Variants in RAX2 observed in about 807,000 individuals in gnomAD.
RAX2 encodes retina and anterior neural fold homeobox 2, also known as retina and anterior neural fold homeobox protein 2.
Under a neutral mutation model 5.8 loss-of-function variants are expected in RAX2, and 4 were observed. The ratio of observed to expected loss-of-function variants is 0.69; its 90% CI spans 0.34 to 1.58. The LOEUF is 1.58. RAX2 is among the 40% of genes most tolerant of loss of function. The pLI, the probability that RAX2 is intolerant of heterozygous loss-of-function variation, is 0.05. For missense variants in RAX2, 275 were observed against 271.4 expected (o/e 1.01, Z -0.09); for synonymous variants, 133 against 128.8 (o/e 1.03, Z -0.22).
Position 3,771,060 on chromosome 19 carries a change from C to T in RAX2, c.217-101G>A, listed in dbSNP as rs982409085. 75 of 867,496 alleles carry T rather than the reference C, an allele frequency of 8.6e-5. No individual in the cohort carries two copies. The highest frequency in any genetic ancestry group is 1.3e-4 in the Non-Finnish European group (71 of 548,380). The allele number at this position is 867,496 out of a possible 1,614,324, so 53.7% of individuals were successfully genotyped here. A position where few individuals can be genotyped will look rare whatever the true frequency, so the allele number is the denominator to read the frequency against. Reference sequence around the variant, plus strand: ...ACCCCAGCCCTGGGGGTTCTGACTCCCGTCTGACCCGACTCCTACCTGCTG... The same window carrying T: ...ACCCCAGCCCTGGGGGTTCTGACTCTCGTCTGACCCGACTCCTACCTGCTG... On this transcript the variant is annotated intron_variant, in intron 2 of 2. Coordinates refer to ENST00000555633, the MANE Select transcript of RAX2 (RefSeq NM_001319074.4). The surrounding 1 kb of genome is among the most constrained non-coding windows in gnomAD (Gnocchi z 4.2).
chr19:3,770,741 G>A lies in RAX2; in HGVS notation c.435C>T (p.Ser145=). 2.0e-6 allele frequency: 3 copies of A among 1,533,676 alleles called. No individual in the cohort carries two copies. The highest frequency in any genetic ancestry group is 1.7e-6 in the Non-Finnish European group (2 of 1,145,682). Reference sequence around the variant, plus strand: ...TGGGAGCAAAGGCATGAGGCCCGAAGGACGCTTGCAGCCCCGGGCCCGGGC... The same window carrying A: ...TGGGAGCAAAGGCATGAGGCCCGAAAGACGCTTGCAGCCCCGGGCCCGGGC... ...LLGPGPGLQA[S]FGPHAFAPTF... Residue 145 remains serine (S), a synonymous_variant, in exon 3 of 3, where the codon TCC becomes TCT. Coordinates refer to ENST00000555633, the MANE Select transcript of RAX2 (RefSeq NM_001319074.4).
chr19:3,771,896 A>C lies in RAX2; in HGVS notation c.-154T>G. The C allele has an allele frequency of 7.1e-7, 1 of 1,412,772 alleles. No individual in the cohort carries two copies. Among genetic ancestry groups the C allele is most frequent in the Non-Finnish European group, 9.3e-7 (1 of 1,076,604 alleles). The allele number at this position is 1,412,772 out of a possible 1,614,324, so 87.5% of individuals were successfully genotyped here. A position where few individuals can be genotyped will look rare whatever the true frequency, so the allele number is the denominator to read the frequency against. ...GGGCCGGCATGCGCTCTGCATCCCC[A>C]GGCTGTCCTCCTCGGGCTTGGGGGG... On this transcript the variant is annotated 5_prime_UTR_variant, in exon 2 of 3. Transcript: ENST00000555633. This position sits in a 1 kb window ranked among gnomAD's most constrained non-coding sequence, Gnocchi z 4.2.
chr19:3,771,731 G>T lies in RAX2; in HGVS notation c.12C>A (p.Ser4Arg). 1 of 1,602,176 alleles carries T rather than the reference G, an allele frequency of 6.2e-7. No individual in the cohort carries two copies. The change falls in exon 2 of 3, where the codon AGC becomes AGA. Residue 4 changes from serine (S) to arginine (R), a missense_variant. Physicochemically the swap from Ser to Arg is moderately radical, Grantham distance 110 (BLOSUM62 -1). Transcript: ENST00000555633. The surrounding 1 kb of genome is among the most constrained non-coding windows in gnomAD (Gnocchi z 4.2). Reference sequence around the variant, plus strand: ...CCTCGGTTGCCGGCCCCTCGCCCGGGCTCAGGAACATGGCTCCCACCTGGT... The same window carrying T: ...CCTCGGTTGCCGGCCCCTCGCCCGGTCTCAGGAACATGGCTCCCACCTGGT... MFL[S>R]PGEGPATEGG...
chr19:3,770,647 G>A lies in RAX2; in HGVS notation c.529C>T (p.Leu177=). The change falls in exon 3 of 3, where the codon CTG becomes TTG. Residue 177 remains leucine, a synonymous_variant. Coordinates refer to ENST00000555633, the MANE Select transcript of RAX2 (RefSeq NM_001319074.4). ...CAGGCTGGCGGCCAGGCCCTGTCCA[G>A]AGCCTGTGCATGTTCCTTGGCCAGC... The part of the protein sequence containing the change: ...RLLAKEHAQA[L]DRAWPPA 6.5e-7 allele frequency: 1 copy of A among 1,534,750 alleles called. No homozygotes were observed. The highest frequency in any genetic ancestry group is 1.2e-5 in the South Asian group (1 of 83,992).
Position 3,770,656 on chromosome 19 carries a change from C to T in RAX2, c.520G>A (p.Ala174Thr), listed in dbSNP as rs1239523974. The change falls in exon 3 of 3, where the codon GCA (alanine) becomes ACA (threonine). Residue 174 changes from alanine to threonine, a missense_variant. By Grantham distance (58) the Ala-to-Thr change is moderately conservative. Coordinates refer to ENST00000555633, the MANE Select transcript of RAX2 (RefSeq NM_001319074.4). ...ASLRLLAKEH[A>T]QALDRAWPPA The stretch of plus-strand genomic sequence containing the variant: ...GGCCAGGCCCTGTCCAGAGCCTGTG[C>T]ATGTTCCTTGGCCAGCAGCCGCAGG... 6.5e-7 allele frequency: 1 copy of T among 1,535,148 alleles called. No homozygotes were observed. Among genetic ancestry groups the T allele is most frequent in the South Asian group, 1.2e-5 (1 of 84,002 alleles).
chr19:3,771,936 C>T lies in RAX2; in HGVS notation c.-194G>A. On this transcript the variant is annotated 5_prime_UTR_variant, in exon 2 of 3. Coordinates refer to ENST00000555633, the MANE Select transcript of RAX2 (RefSeq NM_001319074.4). The surrounding 1 kb of genome is among the most constrained non-coding windows in gnomAD (Gnocchi z 4.2). ...GGCTTGGGGGGGTCTCCTGCTGTGC[C>T]TCTGTCTGCTCTTCCTTCTCTCTGT... 2.1e-6 allele frequency: 2 copies of T among 967,282 alleles called. No homozygotes were observed. The highest frequency in any genetic ancestry group is 3.0e-6 in the Non-Finnish European group (2 of 672,038). 59.9% of individuals were successfully genotyped at this position (967,282 alleles called of 1,614,324 possible). A position where few individuals can be genotyped will look rare whatever the true frequency, so the allele number is the denominator to read the frequency against.
At position 3,770,468 on chromosome 19, in the gene RAX2, C is replaced by T; in HGVS notation, c.*153G>A. On this transcript the variant is annotated 3_prime_UTR_variant, in exon 3 of 3. Transcript: ENST00000555633. ...GGATGGGGGCAGGGAACCCAGCAGC[C>T]TGTCTCTCTGGTCCCGCTCCCCAGT... The T allele has an allele frequency of 1.6e-6, 1 of 638,520 alleles. No individual in the cohort carries two copies. The highest frequency in any genetic ancestry group is 2.6e-6 in the Non-Finnish European group (1 of 385,464). The allele number at this position is 638,520 out of a possible 1,614,324, so 39.6% of individuals were successfully genotyped here.
Position 3,771,566 on chromosome 19 carries a change from C to G in RAX2, c.177G>C (p.Glu59Asp), listed in dbSNP as rs569526421. ...SHYPDVYSRE[E>D]LAAKVHLPEV... ...CAGGTAGGTGCACCTTGGCTGCCAG[C>G]TCCTCACGGCTGTACACATCCGGGT... Residue 59 changes from glutamate to aspartate, a missense_variant, in exon 2 of 3, where the codon GAG (glutamate) becomes GAC (aspartate). By Grantham distance (45) the Glu-to-Asp change is conservative (BLOSUM62 2). Coordinates refer to ENST00000555633, the MANE Select transcript of RAX2 (RefSeq NM_001319074.4). The surrounding 1 kb of genome is among the most constrained non-coding windows in gnomAD (Gnocchi z 4.2). The G allele has an allele frequency of 6.2e-7, 1 of 1,609,906 alleles. No individual in the cohort carries two copies. Among genetic ancestry groups the G allele is most frequent in the African/African-American group, 1.3e-5 (1 of 75,032 alleles).
chr19:3,771,720 C>T lies in RAX2; in HGVS notation c.23G>A (p.Gly8Glu). MFLSPGE[G>E]PATEGGGLGP... ...CAGACCCCCACCCTCGGTTGCCGGC[C>T]CCTCGCCCGGGCTCAGGAACATGGC... Residue 8 changes from glycine (G) to glutamate (E), a missense_variant, in exon 2 of 3, where the codon GGG becomes GAG. Gly to Glu is a moderately conservative substitution (Grantham distance 98). Coordinates refer to ENST00000555633, the MANE Select transcript of RAX2 (RefSeq NM_001319074.4). The surrounding 1 kb of genome is among the most constrained non-coding windows in gnomAD (Gnocchi z 4.2). 1 of 1,606,728 alleles carries T rather than the reference C, an allele frequency of 6.2e-7. No individual in the cohort carries two copies. The highest frequency in any genetic ancestry group is 1.1e-5 in the South Asian group (1 of 90,576).
In RAX2 at chr19:3,771,985, C is replaced by G; in HGVS notation, c.-243G>C. On this transcript the variant is annotated 5_prime_UTR_variant, in exon 2 of 3. Coordinates refer to ENST00000555633, the MANE Select transcript of RAX2 (RefSeq NM_001319074.4). The surrounding 1 kb of genome is among the most constrained non-coding windows in gnomAD (Gnocchi z 4.2). ...GTGTGTGTCACCGTCCCTGTTTTCT[C>G]TTCCCCTCTCTGTGACTGTCACGGC... 1 of 663,248 alleles carries G rather than the reference C, an allele frequency of 1.5e-6. No homozygotes were observed. The highest frequency in any genetic ancestry group is 2.5e-6 in the Non-Finnish European group (1 of 396,540). 41.1% of individuals were successfully genotyped at this position (663,248 alleles called of 1,614,324 possible). A position where few individuals can be genotyped will look rare whatever the true frequency, so the allele number is the denominator to read the frequency against.
At position 3,771,147 on chromosome 19, in the gene RAX2, C is replaced by T. The variant is rs1387308330; in HGVS notation, c.217-188G>A. Among the ~76,000 whole-genome samples the T allele has an allele frequency of 7.7e-6, 1 of 129,190 alleles. No homozygotes were observed. The highest frequency in any genetic ancestry group is 1.7e-5 in the Non-Finnish European group (1 of 58,888). The allele number at this position is 129,190 out of a possible 152,430, so 84.8% of individuals were successfully genotyped here. ...AAGCGTTCCCTAAGCCCAGGCTCCC[C>T]TCCAACTCCTCACTCCCCTCCTTGG... On this transcript the variant is annotated intron_variant, in intron 2 of 2. Coordinates refer to ENST00000555633, the MANE Select transcript of RAX2 (RefSeq NM_001319074.4). This position sits in a 1 kb window ranked among gnomAD's most constrained non-coding sequence, Gnocchi z 4.2.
rs559347055 is a variant in RAX2 at position 3,770,295 on chromosome 19, C to T, written c.*326G>A. The T allele has an allele frequency of 1.5e-4, 61 of 410,418 alleles. No individual in the cohort carries two copies. Among genetic ancestry groups the T allele is most frequent in the Admixed American group, 1.1e-3 (25 of 23,682 alleles). The allele number at this position is 410,418 out of a possible 1,614,324, so 25.4% of individuals were successfully genotyped here. On this transcript the variant is annotated 3_prime_UTR_variant, in exon 3 of 3. Transcript: ENST00000555633. The stretch of plus-strand genomic sequence containing the variant: ...CTCGCAGCCCTCGAACCTCGGAGGC[C>T]CCCACGCCCAATTAACAGACAGGAG...
In RAX2 at chr19:3,772,167, C is replaced by A; in HGVS notation, c.-273G>T. 2.2e-6 allele frequency: 1 copy of A among 458,900 alleles called. No homozygotes were observed. The highest frequency in any genetic ancestry group is 1.6e-5 in the South Asian group (1 of 64,016). 28.4% of individuals were successfully genotyped at this position (458,900 alleles called of 1,614,324 possible). A position where few individuals can be genotyped will look rare whatever the true frequency, so the allele number is the denominator to read the frequency against. On this transcript the variant is annotated 5_prime_UTR_variant, in exon 1 of 3. Transcript: ENST00000555633. ...CAGTGCCCACCCCGCACTCACCGCC[C>A]ACGGCAGCCCCTCCGTCGATTTCCA...
Position 3,771,411 on chromosome 19 carries a change from C to G in RAX2, c.216+116G>C. 1.2e-6 allele frequency: 1 copy of G among 843,440 alleles called. No individual in the cohort carries two copies. Among genetic ancestry groups the G allele is most frequent in the Non-Finnish European group, 1.9e-6 (1 of 519,208 alleles). The allele number at this position is 843,440 out of a possible 1,614,324, so 52.2% of individuals were successfully genotyped here. ...TGTCAAAACCTCAGCTCCCACACCC[C>G]CTCCTCCAGGAAGCCTTCCTAGCTT... On this transcript the variant is annotated intron_variant, in intron 2 of 2. Transcript: ENST00000555633. The surrounding 1 kb of genome is among the most constrained non-coding windows in gnomAD (Gnocchi z 4.2).
Position 3,769,235 on chromosome 19 carries a change from G to A in RAX2, c.*1386C>T, listed in dbSNP as rs2037223907. ...TCTTGCCTCAGCTTCTTGGGTAGCTGGGATGACAGGTGTGCACCAGTACAC... is the reference window on the plus strand; with the variant it reads ...TCTTGCCTCAGCTTCTTGGGTAGCTAGGATGACAGGTGTGCACCAGTACAC... On this transcript the variant is annotated 3_prime_UTR_variant, in exon 3 of 3. Transcript: ENST00000555633. The A allele has an allele frequency of 6.6e-6, 1 of 152,194 alleles. No individual in the cohort carries two copies. Among genetic ancestry groups the A allele is most frequent in the African/African-American group, 2.4e-5 (1 of 41,400 alleles). The allele number at this position is 152,194 out of a possible 1,614,324, so 9.4% of individuals were successfully genotyped here. A position where few individuals can be genotyped will look rare whatever the true frequency, so the allele number is the denominator to read the frequency against.
rs1253237453 is a variant in RAX2 at position 3,770,796 on chromosome 19, G to C, written c.380C>G (p.Pro127Arg). 4 of 1,515,866 alleles carry C rather than the reference G, an allele frequency of 2.6e-6. No homozygotes were observed. The highest frequency in any genetic ancestry group is 3.5e-6 in the Non-Finnish European group (4 of 1,138,802). The allele number at this position is 1,515,866 out of a possible 1,614,324, so 93.9% of individuals were successfully genotyped here. The change falls in exon 3 of 3, where the codon CCG (proline) becomes CGG (arginine). Residue 127 changes from proline (P) to arginine (R), a missense_variant. Coordinates refer to ENST00000555633, the MANE Select transcript of RAX2 (RefSeq NM_001319074.4). The stretch of plus-strand genomic sequence containing the variant: ...GAGGCGGGGGAGGCCTGGCACGGCC[G>C]GCGGTCCGGGGCCCAACCAGGGCTC... ...PLEPWLGPGP[P>R]AVPGLPRLLG... is the part of the protein sequence containing the mutation.
In RAX2 at chr19:3,769,190, C is replaced by T. The variant is rs1373931425; in HGVS notation, c.*1431G>A. On this transcript the variant is annotated 3_prime_UTR_variant, in exon 3 of 3. Coordinates refer to ENST00000555633, the MANE Select transcript of RAX2 (RefSeq NM_001319074.4). ...GATCACAGCTCCCTGCAGCCTCGAC[C>T]TTCTGGGCTCAAGTGATCCTCTTGC... 6.6e-6 allele frequency: 1 copy of T among 152,304 alleles called. No individual in the cohort carries two copies. The highest frequency in any genetic ancestry group is 1.5e-5 in the Non-Finnish European group (1 of 68,114). The allele number at this position is 152,304 out of a possible 1,614,324, so 9.4% of individuals were successfully genotyped here.
In RAX2 at chr19:3,770,803, C is replaced by G; in HGVS notation, c.373G>C (p.Gly125Arg). 2 of 1,519,292 alleles carry G rather than the reference C, an allele frequency of 1.3e-6. No homozygotes were observed. The highest frequency in any genetic ancestry group is 2.4e-5 in the South Asian group (2 of 82,362). The allele number at this position is 1,519,292 out of a possible 1,614,324, so 94.1% of individuals were successfully genotyped here. ...GGGAGGCCTGGCACGGCCGGCGGTC[C>G]GGGGCCCAACCAGGGCTCCAGGGGC... ...SLPLEPWLGP[G>R]PPAVPGLPRL... is the part of the protein sequence containing the mutation. Residue 125 changes from glycine (G) to arginine (R), a missense_variant, in exon 3 of 3, where the codon GGA becomes CGA. Physicochemically the swap from Gly to Arg is moderately radical, Grantham distance 125 (BLOSUM62 -2). Coordinates refer to ENST00000555633, the MANE Select transcript of RAX2 (RefSeq NM_001319074.4).
At position 3,771,913 on chromosome 19, in the gene RAX2, C is replaced by CT. The variant is rs1420693783; in HGVS notation, c.-172dup. The CT allele has an allele frequency of 2.9e-5, 37 of 1,281,484 alleles. No individual in the cohort carries two copies. The highest frequency in any genetic ancestry group is 3.5e-5 in the Non-Finnish European group (34 of 958,502). 79.4% of individuals were successfully genotyped at this position (1,281,484 alleles called of 1,614,324 possible). A position where few individuals can be genotyped will look rare whatever the true frequency, so the allele number is the denominator to read the frequency against. On this transcript the variant is annotated 5_prime_UTR_variant, in exon 2 of 3. Coordinates refer to ENST00000555633, the MANE Select transcript of RAX2 (RefSeq NM_001319074.4). This position sits in a 1 kb window ranked among gnomAD's most constrained non-coding sequence, Gnocchi z 4.2. Reference sequence around the variant, plus strand: ...GCATCCCCAGGCTGTCCTCCTCGGGCTTGGGGGGGTCTCCTGCTGTGCCTC... The same window carrying CT: ...GCATCCCCAGGCTGTCCTCCTCGGGCTTTGGGGGGGTCTCCTGCTGTGCCTC...
Sources: allele counts gnomAD v4.1 joint callset (sites outside exome capture counted in the v4.1 genomes callset), GRCh38; gene constraint gnomAD v4.1.1; non-coding constraint Gnocchi (gnomAD v3.1); transcripts MANE v1.5; gene names NCBI Gene and HGNC (gene_info 2026-07-23, HGNC 2026-07-21).